The following SPAG16 variants were observed in gnomAD, a reference collection of about 807,000 sequenced individuals.
SPAG16 encodes sperm associated antigen 16.
Under a neutral mutation model 80.4 loss-of-function variants are expected in SPAG16, and 86 were observed. The ratio of observed to expected loss-of-function variants is 1.07; its 90% CI spans 0.90 to 1.28. The LOEUF (loss-of-function observed/expected upper bound fraction) is 1.28. Ranked by LOEUF, SPAG16 falls within the 50% of genes most tolerant of loss-of-function variation. The pLI, the probability that SPAG16 is intolerant of heterozygous loss-of-function variation, is 0.00. For missense variants in SPAG16, 870 were observed against 765.3 expected (o/e 1.14, Z -1.61); for synonymous variants, 294 against 265.9 (o/e 1.11, Z -1.03).
At chr2:214,041,389 A>G (rs1260014939) in intron 13 of SPAG16, among the ~76,000 whole-genome samples, 1 of 150,670 alleles carries the variant, frequency 6.6e-6, no homozygotes, top group African/African-American at 2.4e-5. Flanking sequence ...GTAGTTTTTA[A>G]TAAACAAAGA....
chr2:213,912,271 G>C (rs987871219), intron 11 of SPAG16, among the ~76,000 whole-genome samples: 11 of 152,068 alleles, frequency 7.2e-5, no homozygotes, highest in African/African-American at 2.4e-4. Flanking sequence ...GTTATGAATA[G>C]TTATACACTT....
chr2:213,592,969 A>T (rs1205879507), intron 10 of SPAG16, among the ~76,000 whole-genome samples: 1 of 151,964 alleles, frequency 6.6e-6, no homozygotes, highest in Non-Finnish European at 1.5e-5. Context: ...ATTAATCTCC[A>T]CTTTAGTAAA....
chr2:213,509,061 A>G (rs2075111833), intron 10 of SPAG16, among the ~76,000 whole-genome samples: 1 of 151,724 alleles, frequency 6.6e-6, no homozygotes, highest in African/African-American at 2.4e-5. Context: ...CAGTGATGCA[A>G]TCTCGGCTCA....
intron 15 of SPAG16, among the ~76,000 whole-genome samples, chr2:214,317,973 T>A (rs937770561): frequency 1.3e-5 from 2 of 152,192 alleles, no homozygotes; most frequent in Non-Finnish European, 2.9e-5. Context: ...AGAATTCTGT[T>A]GGCAAAAAAG....
At chr2:213,524,675 G>A (rs545480370) in intron 10 of SPAG16, among the ~76,000 whole-genome samples, 3 of 152,316 alleles carry the variant, frequency 2.0e-5, no homozygotes, top group South Asian at 2.1e-4. Context: ...ACTGGATTTC[G>A]GACTTGCATG....
intron 6 of SPAG16, among the ~76,000 whole-genome samples, chr2:213,344,997 A>G (rs1315983116): frequency 6.6e-5 from 10 of 152,008 alleles, no homozygotes; most frequent in East Asian, 3.9e-4. Context: ...AGTCCCATCA[A>G]CAGTGTAAAA....
chr2:214,136,718 C>G (rs13032348), intron 14 of SPAG16, among the ~76,000 whole-genome samples: 19,965 of 152,120 alleles, frequency 0.13, 1,437 homozygotes, highest in Non-Finnish European at 0.16. Flanking sequence ...CGTTCTAATT[C>G]CATAATTTAT....
chr2:214,015,838 A>G (rs1250328149), intron 13 of SPAG16, among the ~76,000 whole-genome samples: 1 of 152,064 alleles, frequency 6.6e-6, no homozygotes, highest in East Asian at 1.9e-4. Flanking sequence ...TTTTTAGAAG[A>G]TGATTTTGAT....
At chr2:214,132,804 A>G (rs1458190193) in intron 14 of SPAG16, among the ~76,000 whole-genome samples, 1 of 152,164 alleles carries the variant, frequency 6.6e-6, no homozygotes, top group Non-Finnish European at 1.5e-5. Context: ...TTTGCATTTA[A>G]AAATGACTGT....
chr2:214,073,232 C>CTTT (rs67988930), intron 13 of SPAG16, among the ~76,000 whole-genome samples: 6 of 141,068 alleles, frequency 4.3e-5, no homozygotes, highest in Non-Finnish European at 4.7e-5. Flanking sequence ...GAAATTTTTT[C>CTTT]TTTTTTTTTT....
intron 10 of SPAG16, among the ~76,000 whole-genome samples, chr2:213,840,321 C>T (rs2074304082): frequency 6.6e-6 from 1 of 152,096 alleles, no homozygotes; most frequent in South Asian, 2.1e-4. Flanking sequence ...GTTCAGTTAG[C>T]TGGATAAGAG....
At chr2:213,791,735 G>A (rs2070714563) in intron 10 of SPAG16, among the ~76,000 whole-genome samples, 1 of 152,114 alleles carries the variant, frequency 6.6e-6, no homozygotes, top group African/African-American at 2.4e-5. Flanking sequence ...CAAAATATAA[G>A]TCAAGCATGG....
At chr2:213,505,259 A>AG (rs2074921485) in intron 10 of SPAG16, among the ~76,000 whole-genome samples, 1 of 152,212 alleles carries the variant, frequency 6.6e-6, no homozygotes, top group Non-Finnish European at 1.5e-5. Flanking sequence ...TACAATGTCA[A>AG]AACTACTAGC....
intron 10 of SPAG16, among the ~76,000 whole-genome samples, chr2:213,582,316 C>G (rs556309722): frequency 1.3e-5 from 2 of 151,960 alleles, no homozygotes; most frequent in Admixed American, 1.3e-4. Context: ...TATGCATAAC[C>G]TTTTAGTTTT....
At chr2:213,371,275 C>T (rs1183796926) in intron 8 of SPAG16, among the ~76,000 whole-genome samples, 16 of 151,214 alleles carry the variant, frequency 1.1e-4, no homozygotes, top group Admixed American at 6.6e-4. Flanking sequence ...CATGATGGTG[C>T]GTGCCTGTAA....
rs543249532 is a variant in SPAG16, at chr2:214,049,445, G to A, written c.1527+35368G>A. Among the ~76,000 whole-genome samples the A allele has an allele frequency of 5.3e-5, 8 of 152,126 alleles. No individual in the cohort carries two copies. The South Asian group carries it at 1.7e-3, about 32-fold the overall frequency. On this transcript the variant is annotated intron_variant, in intron 13 of 15. Transcript: ENST00000331683. ...CTTTCTTTCAGAAGTGACAGTGCTA[G>A]TTTGGAGAAAATTTTATTTTCTGGT...
intron 10 of SPAG16, among the ~76,000 whole-genome samples, chr2:213,638,818 C>A (rs1010086795): frequency 1.3e-5 from 2 of 152,048 alleles, no homozygotes; most frequent in African/African-American, 4.8e-5. Context: ...GTCTTGATGA[C>A]CTGTCTAGCG....
At chr2:213,736,897 G>A (rs2067307444) in intron 10 of SPAG16, among the ~76,000 whole-genome samples, 1 of 151,320 alleles carries the variant, frequency 6.6e-6, no homozygotes, top group South Asian at 2.1e-4. Context: ...GTAGAAACGG[G>A]GTTTCACCAT....
intron 11 of SPAG16, among the ~76,000 whole-genome samples, chr2:213,888,701 T>C (rs1009431139): frequency 1.3e-5 from 2 of 151,896 alleles, no homozygotes; most frequent in Non-Finnish European, 1.5e-5. Flanking sequence ...TTCTTTTATA[T>C]TGACATCATA....
Sources: allele counts gnomAD v4.1 joint callset (sites outside exome capture counted in the v4.1 genomes callset), GRCh38; gene constraint gnomAD v4.1.1; transcripts MANE v1.5; gene names NCBI Gene and HGNC (gene_info 2026-07-23, HGNC 2026-07-21).